The following PLAC1 variants were observed in gnomAD, a reference collection of about 807,000 sequenced individuals.
PLAC1 encodes the protein placenta associated 1, also known as placenta-specific protein 1.
For missense variants in PLAC1, 136 were observed against 163.2 expected, an observed-to-expected ratio of 0.83 and a Z score of 0.91; for synonymous variants, 68 against 62.1, an observed-to-expected ratio of 1.09 and a Z score of -0.44.
chrX:134,592,556 T>G (rs2078043345), intron 2 of PLAC1, among the ~76,000 whole-genome samples: 1 of 110,756 alleles, frequency 9.0e-6, no homozygotes, highest in Admixed American at 9.7e-5. Flanking sequence ...GAAGAGGGAA[T>G]TCTGTCAGCT....
At chrX:134,576,111 G>T (rs2077937757) in intron 2 of PLAC1, among the ~76,000 whole-genome samples, 1 of 108,484 alleles carries the variant, frequency 9.2e-6, no homozygotes, top group African/African-American at 3.3e-5. Context: ...GACTACAAAT[G>T]TTTAGGAATA....
chrX:134,618,574 C>CTTTTAT (rs1007370936), intron 1 of PLAC1, among the ~76,000 whole-genome samples: 5 of 111,156 alleles, frequency 4.5e-5, no homozygotes, highest in African/African-American at 6.5e-5. Context: ...CCTGGCTAAT[C>CTTTTAT]TTTTATTTTT....
chrX:134,583,414 G>A (rs1269132104), intron 2 of PLAC1, among the ~76,000 whole-genome samples: 2 of 75,656 alleles, frequency 2.6e-5, no homozygotes, highest in South Asian at 1.7e-3. Flanking sequence ...TTTGGCTTAC[G>A]TCTAAACCAC....
intron 1 of PLAC1, among the ~76,000 whole-genome samples, chrX:134,756,779 G>A (rs1480491136): frequency 2.8e-5 from 3 of 109,041 alleles, no homozygotes; most frequent in African/African-American, 6.7e-5. Context: ...AACCCGGGAG[G>A]CGGAGGTTGC....
At chrX:134,581,944 C>T (rs952049675) in intron 2 of PLAC1, among the ~76,000 whole-genome samples, 13 of 112,038 alleles carry the variant, frequency 1.2e-4, no homozygotes, top group African/African-American at 4.2e-4. Flanking sequence ...GTGTGGAAAG[C>T]AAACCTCGCC....
At chrX:134,648,161 C>T (rs1198081894) in intron 1 of PLAC1, among the ~76,000 whole-genome samples, 2 of 110,788 alleles carry the variant, frequency 1.8e-5, no homozygotes, top group African/African-American at 3.3e-5. Context: ...GAGTAAAATA[C>T]GCCTGGGAGG....
At chrX:134,577,643 G>A (rs763178869) in intron 2 of PLAC1, among the ~76,000 whole-genome samples, 7 of 110,095 alleles carry the variant, frequency 6.4e-5, no homozygotes, top group Non-Finnish European at 1.1e-4. Context: ...AGCTGAGGTC[G>A]CGCCACTGCA....
At chrX:134,651,192 C>T (rs1296141491) in intron 1 of PLAC1, 1 of 254,221 alleles carries the variant, frequency 3.9e-6, no homozygotes, top group Non-Finnish European at 7.9e-6. Context: ...GAGCTGTACT[C>T]TGATAGCTGC....
chrX:134,667,116 C>T (rs929273847), intron 2 of PLAC1, among the ~76,000 whole-genome samples: 1 of 112,095 alleles, frequency 8.9e-6, no homozygotes, highest in African/African-American at 3.2e-5. Context: ...TTAGATTTGA[C>T]ACCAAAAGCA....
chrX:134,694,578 C>T (rs781561772), intron 2 of PLAC1, among the ~76,000 whole-genome samples: 16 of 112,088 alleles, frequency 1.4e-4, no homozygotes, highest in East Asian at 2.8e-4. Flanking sequence ...GCATACCTCA[C>T]GTATTTCTAG....
chrX:134,674,995 C>A (rs1253036801), intron 2 of PLAC1, among the ~76,000 whole-genome samples: 1 of 112,258 alleles, frequency 8.9e-6, no homozygotes, highest in African/African-American at 3.2e-5. Flanking sequence ...GCTCTTTGGA[C>A]AAATGTAACC....
intron 1 of PLAC1, among the ~76,000 whole-genome samples, chrX:134,657,127 G>A (rs2078395563): frequency 8.9e-6 from 1 of 111,939 alleles, no homozygotes; most frequent in Admixed American, 9.5e-5. Flanking sequence ...GAGACAGGAA[G>A]GACCAAGGGT....
intron 2 of PLAC1, among the ~76,000 whole-genome samples, chrX:134,567,269 A>C (rs929804671): frequency 2.7e-5 from 3 of 112,224 alleles, no homozygotes; most frequent in Non-Finnish European, 5.6e-5. Context: ...AATTTTGCCG[A>C]GTGGCTTACT....
rs1305778834 is a variant in PLAC1 at position 134,750,941 on chromosome X, TTATAAATATATATATATATA to T, written n.89+13273_89+13292del. ...TATATATATTTTTATATATATATATTTATAAATATATATATATATATTTATATATATATATAGCCTGGTGT... is the reference window on the plus strand; with the variant it reads ...TATATATATTTTTATATATATATATTTTTATATATATATATAGCCTGGTGT... On this transcript the variant is annotated intron_variant and non_coding_transcript_variant, in intron 1 of 2. Transcript: ENST00000466797. Among the ~76,000 whole-genome samples the T allele has an allele frequency of 9.4e-3, 341 of 36,197 alleles. 21 individuals carry two copies. The highest frequency in any genetic ancestry group is 0.013 in the Middle Eastern group (1 of 77). 31.4% of individuals were successfully genotyped at this position (36,197 alleles called of 115,157 possible).
At chrX:134,569,739 A>AGTGTGTGTGTGTGT (rs749953575) in intron 2 of PLAC1, among the ~76,000 whole-genome samples, 77 of 72,155 alleles carry the variant, frequency 1.1e-3, no homozygotes, top group African/African-American at 2.8e-3. Context: ...AGGGTAGAGT[A>AGTGTGTGTGTGTGT]GTGTGTGTGT....
At position 134,566,118 on chromosome X, in the gene PLAC1, G is replaced by C. The variant is rs1299831157; in HGVS notation, c.565C>G (p.Leu189Val). ...ATATCAAGAAAGTGAGATGGCTGCAGAGGTTGAGCCTCCTGAGCCCCTGCT... is the reference window on the plus strand; with the variant it reads ...ATATCAAGAAAGTGAGATGGCTGCACAGGTTGAGCCTCCTGAGCCCCTGCT... ...HQAGAQEAQP[L>V]QPSHFLDISE... is the part of the protein sequence containing the mutation. The change falls in exon 3 of 3, where the codon CTG becomes GTG. Residue 189 changes from leucine (L) to valine (V), a missense_variant. By Grantham distance (32) the Leu-to-Val change is conservative. Coordinates refer to ENST00000359237, the MANE Select transcript of PLAC1 (RefSeq NM_021796.4). The C allele has an allele frequency of 8.3e-7, 1 of 1,209,204 alleles. No individual in the cohort carries two copies.
intron 1 of PLAC1, among the ~76,000 whole-genome samples, chrX:134,734,550 A>G (rs1295605135): frequency 8.9e-6 from 1 of 112,545 alleles, no homozygotes; most frequent in Non-Finnish European, 1.9e-5. Flanking sequence ...GGCCTCTCAC[A>G]GGCTGCTCTT....
intron 2 of PLAC1, among the ~76,000 whole-genome samples, chrX:134,664,655 G>C (rs1448215145): frequency 8.9e-6 from 1 of 112,352 alleles, no homozygotes; most frequent in Non-Finnish European, 1.9e-5. Flanking sequence ...TGCAGTGCAA[G>C]GTGATGTGCA....
At chrX:134,725,425 T>C (rs1449852014) in intron 2 of PLAC1, among the ~76,000 whole-genome samples, 1 of 111,305 alleles carries the variant, frequency 9.0e-6, no homozygotes, top group East Asian at 2.8e-4. Context: ...GAGCACGCAT[T>C]GCAGTCACCT....
Sources: allele counts gnomAD v4.1 joint callset (sites outside exome capture counted in the v4.1 genomes callset), GRCh38; gene constraint gnomAD v4.1.1; transcripts MANE v1.5; gene names NCBI Gene and HGNC (gene_info 2026-07-23, HGNC 2026-07-21).